The following SSBP2 variants were observed in gnomAD, a reference collection of about 807,000 sequenced individuals.
The protein encoded by SSBP2 is single stranded DNA binding protein 2.
A neutral mutation model predicts 61.8 loss-of-function variants in SSBP2; 17 were observed. The observed-to-expected ratio is 0.28, with a 90% CI of 0.19 to 0.41. The LOEUF is 0.41. Among genes scored for constraint, SSBP2 ranks in the 10% least tolerant of loss-of-function variants. The pLI is 1.00. For synonymous variants in SSBP2, 139 were observed against 141.3 expected (o/e 0.98, Z 0.12); for missense variants, 310 against 458.7 (o/e 0.68, Z 2.96).
chr5:81,721,521 T>C (rs1755543286), intron 1 of SSBP2, among the ~76,000 whole-genome samples: 1 of 152,120 alleles, frequency 6.6e-6, no homozygotes, highest in Non-Finnish European at 1.5e-5. Context: ...CAAAGAGTTT[T>C]ATAATGCCAA....
At chr5:81,518,788 T>C (rs1253222292) in intron 4 of SSBP2, among the ~76,000 whole-genome samples, 1 of 152,182 alleles carries the variant, frequency 6.6e-6, no homozygotes, top group Non-Finnish European at 1.5e-5. Flanking sequence ...CTTTGCCTAG[T>C]ACTATAAAAA....
intron 6 of SSBP2, among the ~76,000 whole-genome samples, chr5:81,478,741 G>T (rs1326148795): frequency 6.6e-6 from 1 of 152,152 alleles, no homozygotes; most frequent in Non-Finnish European, 1.5e-5. Flanking sequence ...AAAGCGCTGG[G>T]ATTATAGGTG....
intron 1 of SSBP2, among the ~76,000 whole-genome samples, chr5:81,677,137 T>A (rs958734320): frequency 6.6e-5 from 10 of 152,148 alleles, no homozygotes; most frequent in African/African-American, 2.4e-4. Flanking sequence ...CAATACTCTT[T>A]AAGAGTGGCA....
chr5:81,532,814 AAG>A (rs965987343), intron 4 of SSBP2, among the ~76,000 whole-genome samples: 4 of 151,968 alleles, frequency 2.6e-5, no homozygotes, highest in Admixed American at 2.6e-4. Context: ...GTAGAATAAT[AAG>A]AGAGTAAATG....
intron 4 of SSBP2, among the ~76,000 whole-genome samples, chr5:81,552,784 C>T (rs1772306759): frequency 6.6e-6 from 1 of 151,510 alleles, no homozygotes; most frequent in Non-Finnish European, 1.5e-5. Context: ...TTTAAGTTAA[C>T]CTGTGACTCA....
At chr5:81,422,743 C>G (rs1282632936) in intron 16 of SSBP2, among the ~76,000 whole-genome samples, 2 of 151,654 alleles carry the variant, frequency 1.3e-5, no homozygotes, top group Non-Finnish European at 2.9e-5. Flanking sequence ...TTGATCATAG[C>G]AGCAGAAAAG....
At chr5:81,626,477 G>A (rs1464123455) in intron 3 of SSBP2, among the ~76,000 whole-genome samples, 1 of 152,138 alleles carries the variant, frequency 6.6e-6, no homozygotes, top group Non-Finnish European at 1.5e-5. Context: ...ACGTTATTTT[G>A]TTTCTAACGT....
At chr5:81,474,584 T>A in intron 6 of SSBP2, 22 bp from the exon 7 acceptor site, 1 of 1,555,338 alleles carries the variant, frequency 6.4e-7, no homozygotes, top group Non-Finnish European at 8.8e-7. Flanking sequence ...TTAAGAAAAA[T>A]AAAGAGCAAT....
At chr5:81,519,754 G>A (rs1769317427) in intron 4 of SSBP2, among the ~76,000 whole-genome samples, 1 of 152,096 alleles carries the variant, frequency 6.6e-6, no homozygotes, top group South Asian at 2.1e-4. Context: ...CTGCCCGCCT[G>A]CCCTGGACTG....
Position 81,428,644 on chromosome 5 carries a change from T to C in SSBP2, c.997A>G (p.Thr333Ala). 1 of 1,613,396 alleles carries C rather than the reference T, an allele frequency of 6.2e-7. No homozygotes were observed. The highest frequency in any genetic ancestry group is 8.5e-7 in the Non-Finnish European group (1 of 1,179,530). Residue 333 changes from threonine to alanine, a missense_variant, in exon 16 of 17, where the codon ACT becomes GCT. Physicochemically the swap from Thr to Ala is moderately conservative, Grantham distance 58 (BLOSUM62 0). Coordinates refer to ENST00000320672, the MANE Select transcript of SSBP2 (RefSeq NM_012446.5). ...CCCATTTCGCCATCATCCCTTGGAG[T>C]GCCCGGTTGATTACTCAGGCTCATA...
chr5:81,750,887 G>T, intron 1 of SSBP2, 94 bp downstream of exon 1: 1 of 1,402,216 alleles, frequency 7.1e-7, no homozygotes, highest in Admixed American at 2.0e-5. Flanking sequence ...CGCTCCCCGG[G>T]CGGAGAGTGT....
intron 4 of SSBP2, among the ~76,000 whole-genome samples, chr5:81,595,307 T>C (rs1329298042): frequency 6.6e-6 from 1 of 152,158 alleles, no homozygotes; most frequent in Admixed American, 6.5e-5. Context: ...GTTGAATCTC[T>C]GAATAGACCA....
intron 8 of SSBP2, 64 bp from the exon 9 acceptor site, chr5:81,467,129 A>C: frequency 1.0e-6 from 1 of 1,003,028 alleles, no homozygotes; most frequent in South Asian, 1.6e-5. Flanking sequence ...CACGTTAATG[A>C]TTTCCCTACA....
chr5:81,664,405 C>T (rs886542297), intron 1 of SSBP2, among the ~76,000 whole-genome samples: 2 of 152,168 alleles, frequency 1.3e-5, no homozygotes, highest in African/African-American at 4.8e-5. Context: ...GCTGGGATTA[C>T]TGGCGTGAGC....
intron 4 of SSBP2, among the ~76,000 whole-genome samples, chr5:81,589,787 A>G (rs1166314819): frequency 6.6e-6 from 1 of 152,132 alleles, no homozygotes; most frequent in Non-Finnish European, 1.5e-5. Context: ...TACAAAATTG[A>G]GAGGCTATAT....
chr5:81,423,118 A>G (rs1443040245), intron 16 of SSBP2, among the ~76,000 whole-genome samples: 1 of 152,248 alleles, frequency 6.6e-6, no homozygotes, highest in East Asian at 1.9e-4. Flanking sequence ...GGGCACAGAT[A>G]AATTTAATCT....
chr5:81,670,724 T>A (rs1375842663), intron 1 of SSBP2, among the ~76,000 whole-genome samples: 1 of 152,224 alleles, frequency 6.6e-6, no homozygotes, highest in African/African-American at 2.4e-5. Flanking sequence ...TCTTTTGTGA[T>A]CTTTACACAT....
intron 4 of SSBP2, among the ~76,000 whole-genome samples, chr5:81,567,473 A>G (rs1026712314): frequency 4.2e-4 from 64 of 152,336 alleles, no homozygotes; most frequent in Non-Finnish European, 7.2e-4. Context: ...AAACGCTTGG[A>G]TGCCCAGGCA....
At chr5:81,445,546 A>AT (rs1314576080) in intron 12 of SSBP2, among the ~76,000 whole-genome samples, 1 of 152,132 alleles carries the variant, frequency 6.6e-6, no homozygotes, top group Admixed American at 6.5e-5. Flanking sequence ...TCTTCGATGA[A>AT]TTGTATCATT....
Sources: allele counts gnomAD v4.1 joint callset (sites outside exome capture counted in the v4.1 genomes callset), GRCh38; gene constraint gnomAD v4.1.1; transcripts MANE v1.5; gene names NCBI Gene and HGNC (gene_info 2026-07-23, HGNC 2026-07-21).